KANSL1: variants seen among roughly 807,000 people sequenced by gnomAD.
The protein encoded by KANSL1 is KAT8 regulatory NSL complex subunit 1.
In KANSL1, 22 loss-of-function variants were observed where a neutral mutation model predicts 103.6. That is an observed-to-expected ratio of 0.21 (90% CI 0.15 to 0.30). The LOEUF is 0.30. KANSL1 is among the 10% of genes least tolerant of loss of function. KANSL1 has a pLI of 1.00. For synonymous variants in KANSL1, 600 were observed against 527.6 expected, an observed-to-expected ratio of 1.14 and a Z score of -1.88; for missense variants, 1,337 against 1,399.8, an observed-to-expected ratio of 0.96 and a Z score of 0.72.
chr17:46,084,104 A>C (rs80028338), intron 3 of KANSL1, among the ~76,000 whole-genome samples: 21,756 of 152,040 alleles, frequency 0.14, 2,131 homozygotes, highest in Non-Finnish European at 0.22. Context: ...AGGGTCCCGG[A>C]ATGGCGGCTC....
intron 4 of KANSL1, among the ~76,000 whole-genome samples, chr17:46,078,574 G>T (rs2078872349): frequency 6.6e-6 from 1 of 152,202 alleles, no homozygotes; most frequent in South Asian, 2.1e-4. Context: ...ACAAGCCCAT[G>T]AAGCAGTGAC....
intron 2 of KANSL1, among the ~76,000 whole-genome samples, chr17:46,119,530 C>T (rs1057363903): frequency 3.3e-5 from 5 of 152,166 alleles, no homozygotes; most frequent in Non-Finnish European, 7.3e-5. Flanking sequence ...TGCTCTCAAA[C>T]TCCTGACCTC....
At chr17:46,222,906 C>T (rs1311167906) in intron 1 of KANSL1, 1 of 151,528 alleles carries the variant, frequency 6.6e-6, no homozygotes, top group African/African-American at 2.4e-5. Flanking sequence ...ATCAAAGAAG[C>T]CACCTACTTA....
chr17:46,185,218 C>T (rs1375125017), intron 1 of KANSL1, among the ~76,000 whole-genome samples: 1 of 152,188 alleles, frequency 6.6e-6, no homozygotes, highest in Non-Finnish European at 1.5e-5. Flanking sequence ...CAGACCAACA[C>T]ACGTTAAGCA....
At chr17:46,074,572 G>A (rs2078689907) in intron 4 of KANSL1, among the ~76,000 whole-genome samples, 1 of 151,694 alleles carries the variant, frequency 6.6e-6, no homozygotes, top group South Asian at 2.1e-4. Flanking sequence ...ATTTATTCCA[G>A]CCAGGGCAAA....
At chr17:46,082,371 G>GA (rs986518443) in intron 4 of KANSL1, 70 bp downstream of exon 4, 17 of 955,930 alleles carry the variant, frequency 1.8e-5, no homozygotes, top group Non-Finnish European at 2.7e-5. Context: ...TAGTTACAGA[G>GA]AAAAAACGGT....
At chr17:46,071,915 G>A (rs745689655) in intron 4 of KANSL1, among the ~76,000 whole-genome samples, 36 of 152,134 alleles carry the variant, frequency 2.4e-4, no homozygotes, top group Non-Finnish European at 3.5e-4. Flanking sequence ...CAGGGCCCTA[G>A]GGGATTATCT....
intron 1 of KANSL1, among the ~76,000 whole-genome samples, chr17:46,178,506 T>C (rs1446037616): frequency 6.6e-6 from 1 of 152,202 alleles, no homozygotes; most frequent in Non-Finnish European, 1.5e-5. Context: ...ATCTGACAAA[T>C]ACAGATGGAG....
intron 4 of KANSL1, among the ~76,000 whole-genome samples, chr17:46,076,647 T>C (rs1046143246): frequency 3.0e-5 from 4 of 135,570 alleles, no homozygotes; most frequent in Non-Finnish European, 5.2e-5. Flanking sequence ...CATTGAATCA[T>C]TGTGTCTAAC....
At chr17:46,148,380 C>G (rs1479427209) in intron 2 of KANSL1, 2 of 152,188 alleles carry the variant, frequency 1.3e-5, no homozygotes, top group African/African-American at 4.8e-5. Context: ...ACATATATAA[C>G]TATCACCTGG....
At chr17:46,153,439 A>ACATTTATATATATT (rs1362382931) in intron 2 of KANSL1, among the ~76,000 whole-genome samples, 6 of 152,246 alleles carry the variant, frequency 3.9e-5, no homozygotes, top group African/African-American at 1.2e-4. Flanking sequence ...TTAACTAGTA[A>ACATTTATATATATT]ATATATAAAT....
rs1402177389 is a variant in KANSL1, at chr17:46,171,866, T to C, written c.278A>G (p.Lys93Arg). 1 of 1,614,242 alleles carries C rather than the reference T, an allele frequency of 6.2e-7. No homozygotes were observed. The change falls in exon 2 of 15, where the codon AAG becomes AGG. Residue 93 changes from lysine to arginine, a missense_variant. Lys to Arg is a conservative substitution (Grantham distance 26). Coordinates refer to ENST00000432791, the MANE Select transcript of KANSL1 (RefSeq NM_015443.4). ...LCSDVTSVPS[K>R]ESLKLQGVFS... ...GACCCCTTGCAACTTCAAAGACTCC[T>C]TTGAGGGAACAGATGTTACATCAGA...
upstream of KANSL1, chr17:46,223,869 C>T (rs1399509177): frequency 1.3e-5 from 2 of 150,784 alleles, no homozygotes; most frequent in Non-Finnish European, 2.9e-5. Flanking sequence ...TTTAAGCTAC[C>T]TGGGCAGGGA....
intron 10 of KANSL1, 79 bp from the exon 11 acceptor site, chr17:46,034,364 A>T: frequency 6.6e-7 from 1 of 1,523,164 alleles, no homozygotes; most frequent in Non-Finnish European, 9.0e-7. Flanking sequence ...TTAAAGCAGG[A>T]TCACCAATAA....
chr17:46,201,191 C>T (rs968969599), intron 1 of KANSL1, among the ~76,000 whole-genome samples: 5 of 152,322 alleles, frequency 3.3e-5, no homozygotes, highest in East Asian at 3.9e-4. Flanking sequence ...GGATTACAGG[C>T]GTGAGCCACC....
Position 46,031,592 on chromosome 17 carries a change from A to G in KANSL1, c.3202T>C (p.Ser1068Pro). The G allele has an allele frequency of 6.2e-7, 1 of 1,614,072 alleles. No homozygotes were observed. The highest frequency in any genetic ancestry group is 8.5e-7 in the Non-Finnish European group (1 of 1,180,000). ...ERAARCTRRT[S>P]GSKTGRETEA... Reference sequence around the variant, plus strand: ...GTCTCCCGGCCAGTCTTGCTGCCTGAGGTGCGTCGAGTGCAGCGGGCTGCT... The same window carrying G: ...GTCTCCCGGCCAGTCTTGCTGCCTGGGGTGCGTCGAGTGCAGCGGGCTGCT... The change falls in exon 15 of 15, where the codon TCA becomes CCA. Residue 1068 changes from serine (S) to proline (P), a missense_variant. By Grantham distance (74) the Ser-to-Pro change is moderately conservative. Around this residue, in one of 2 missense-constraint regions of KANSL1, gnomAD observed 780 missense variants for 923.4 expected, o/e 0.84. Coordinates refer to ENST00000432791, the MANE Select transcript of KANSL1 (RefSeq NM_015443.4).
intron 2 of KANSL1, among the ~76,000 whole-genome samples, chr17:46,161,446 A>AC (rs887505499): frequency 3.3e-5 from 5 of 151,858 alleles, no homozygotes; most frequent in African/African-American, 9.7e-5. Flanking sequence ...AAAAAAAAAA[A>AC]AACCTTGTTT....
At chr17:46,062,114 C>CAAAAAAAAAAAAAAAAAAAAAAAAAAA (rs1192815524) in intron 6 of KANSL1, among the ~76,000 whole-genome samples, 3 of 37,104 alleles carry the variant, frequency 8.1e-5, no homozygotes, top group African/African-American at 2.0e-4. Context: ...AAAAAACAAA[C>CAAAAAAAAAAAAAAAAAAAAAAAAAAA]AAACAAAAAA....
At chr17:46,146,211 TACC>T (rs1321839178) in intron 2 of KANSL1, among the ~76,000 whole-genome samples, 15 of 152,224 alleles carry the variant, frequency 9.9e-5, no homozygotes, top group Non-Finnish European at 2.9e-5. Flanking sequence ...CTTCTGAGAA[TACC>T]ACCACCTCAT....
Sources: allele counts gnomAD v4.1 joint callset (sites outside exome capture counted in the v4.1 genomes callset), GRCh38; gene constraint gnomAD v4.1.1; regional missense constraint gnomAD v4.1.1; transcripts MANE v1.5; gene names NCBI Gene and HGNC (gene_info 2026-07-23, HGNC 2026-07-21).